Variants in WWOX observed in about 807,000 individuals in gnomAD.
WWOX encodes the protein WW domain-containing oxidoreductase.
A neutral mutation model predicts 46.2 loss-of-function variants in WWOX; 69 were observed. The observed-to-expected ratio is 1.49, with a 90% CI of 1.23 to 1.82. WWOX has a LOEUF of 1.82. Ranked by LOEUF, WWOX falls within the 40% of genes most tolerant of loss-of-function variation. The pLI, the probability that WWOX is intolerant of heterozygous loss-of-function variation, is 0.00. For missense variants in WWOX, 919 were observed against 542.6 expected, an observed-to-expected ratio of 1.69 and a Z score of -6.89; for synonymous variants, 359 against 202.6, an observed-to-expected ratio of 1.77 and a Z score of -6.56.
chr16:78,892,557 T>G (rs1482285833), intron 8 of WWOX, among the ~76,000 whole-genome samples: 1 of 152,234 alleles, frequency 6.6e-6, no homozygotes, highest in Non-Finnish European at 1.5e-5. Flanking sequence ...GTTCAGAGCG[T>G]TCTTCCTCCA....
intron 8 of WWOX, among the ~76,000 whole-genome samples, chr16:79,010,484 A>T (rs1422717586): frequency 6.6e-6 from 1 of 152,176 alleles, no homozygotes; most frequent in Non-Finnish European, 1.5e-5. Context: ...ATGGCGGGAC[A>T]GCTCCAGGCC....
At position 79,056,210 on chromosome 16, in the gene WWOX, T is replaced by C. The variant is rs1191982275; in HGVS notation, c.1057-155398T>C. 5.3e-5 allele frequency among the ~76,000 whole-genome samples: 5 copies of C among 93,808 alleles called. No individual in the cohort carries two copies. In the East Asian group the frequency reaches 1.1e-3, roughly 21 times the overall value. The allele number at this position is 93,808 out of a possible 152,430, so 61.5% of individuals were successfully genotyped here. A position where few individuals can be genotyped will look rare whatever the true frequency, so the allele number is the denominator to read the frequency against. ...TTAGTGCTAAGTAATAGGCTGTCACTAGACCAAAAAAAAAAAAAAAAAAAT... is the reference window on the plus strand; with the variant it reads ...TTAGTGCTAAGTAATAGGCTGTCACCAGACCAAAAAAAAAAAAAAAAAAAT... On this transcript the variant is annotated intron_variant, in intron 8 of 8. Transcript: ENST00000566780.
chr16:79,211,566 T>G (rs2150867067), intron 8 of WWOX, 42 bp from the exon 9 acceptor site: 1 of 1,613,520 alleles, frequency 6.2e-7, no homozygotes, highest in African/African-American at 1.3e-5. Flanking sequence ...TCATCACTCC[T>G]TTTCTTAAAA....
rs928256242 is a variant in WWOX at position 78,348,446 on chromosome 16, T to C, written c.517-38414T>C. Reference sequence around the variant, plus strand: ...ATAGAGCCAAAGAGCTCGATACATATACTGATGCGGTGTTTATTTTATTTT... The same window carrying C: ...ATAGAGCCAAAGAGCTCGATACATACACTGATGCGGTGTTTATTTTATTTT... On this transcript the variant is annotated intron_variant, in intron 5 of 8. Transcript: ENST00000566780. 4.1e-5 allele frequency among the ~76,000 whole-genome samples: 5 copies of C among 121,006 alleles called. 1 individual carries two copies. Among genetic ancestry groups the C allele is most frequent in the Admixed American group, 8.0e-5 (1 of 12,502 alleles). 79.4% of individuals were successfully genotyped at this position (121,006 alleles called of 152,430 possible).
chr16:78,612,793 C>T (rs2045931480), intron 8 of WWOX, among the ~76,000 whole-genome samples: 1 of 152,254 alleles, frequency 6.6e-6, no homozygotes, highest in Non-Finnish European at 1.5e-5. Context: ...AATTTTTTCA[C>T]CTACAAAATG....
At chr16:78,376,292 C>T (rs535958507) in intron 5 of WWOX, among the ~76,000 whole-genome samples, 5 of 152,214 alleles carry the variant, frequency 3.3e-5, no homozygotes, top group East Asian at 1.9e-4. Flanking sequence ...TATGTGGGGG[C>T]GGTTTTTAAT....
At chr16:78,840,046 G>A (rs1273513964) in intron 8 of WWOX, among the ~76,000 whole-genome samples, 1 of 152,124 alleles carries the variant, frequency 6.6e-6, no homozygotes, top group Non-Finnish European at 1.5e-5. Flanking sequence ...AAATTACTGG[G>A]TGTTTGAAAG....
intron 8 of WWOX, among the ~76,000 whole-genome samples, chr16:79,123,799 C>T (rs1035877104): frequency 1.3e-5 from 2 of 152,104 alleles, no homozygotes; most frequent in South Asian, 4.1e-4. Context: ...TCTTGAATCC[C>T]AGGACAATTC....
chr16:78,278,607 C>G (rs973932194), intron 5 of WWOX: 17 of 1,609,770 alleles, frequency 1.1e-5, no homozygotes, highest in Middle Eastern at 1.7e-4. Context: ...TTACAGAAAA[C>G]AAAATACCAC....
chr16:78,443,668 A>G (rs2083495574), intron 8 of WWOX, among the ~76,000 whole-genome samples: 1 of 152,310 alleles, frequency 6.6e-6, no homozygotes. Flanking sequence ...TATTTAATGA[A>G]CATTTAACCA....
chr16:78,516,457 C>G (rs1446212041), intron 8 of WWOX, among the ~76,000 whole-genome samples: 1 of 152,090 alleles, frequency 6.6e-6, no homozygotes, highest in Non-Finnish European at 1.5e-5. Flanking sequence ...ATTTTTAATT[C>G]CCATGCTCAG....
chr16:78,946,081 T>G (rs530448476), intron 8 of WWOX, among the ~76,000 whole-genome samples: 1 of 152,356 alleles, frequency 6.6e-6, no homozygotes, highest in East Asian at 1.9e-4. Context: ...TACTGGACTT[T>G]CTTAAATAAG....
At chr16:78,310,984 G>C (rs1226501314) in intron 5 of WWOX, among the ~76,000 whole-genome samples, 1 of 152,224 alleles carries the variant, frequency 6.6e-6, no homozygotes. Flanking sequence ...GCAAGAGCCA[G>C]CTGCCTGCGT....
At chr16:78,171,465 T>C (rs563752127) in intron 5 of WWOX, among the ~76,000 whole-genome samples, 1 of 152,142 alleles carries the variant, frequency 6.6e-6, no homozygotes, top group African/African-American at 2.4e-5. Flanking sequence ...TTTTATGATA[T>C]ATGTGTTGGG....
intron 5 of WWOX, among the ~76,000 whole-genome samples, chr16:78,336,325 A>G (rs1293296603): frequency 1.5e-5 from 1 of 65,280 alleles, no homozygotes; most frequent in Non-Finnish European, 3.5e-5. Flanking sequence ...ATACAAAAAT[A>G]ACACCAAAAA....
At chr16:78,295,502 A>G (rs2079930430) in intron 5 of WWOX, among the ~76,000 whole-genome samples, 1 of 152,198 alleles carries the variant, frequency 6.6e-6, no homozygotes, top group Admixed American at 6.5e-5. Flanking sequence ...ACCTGAAGTC[A>G]GGAGTTCAAG....
intron 6 of WWOX, among the ~76,000 whole-genome samples, chr16:78,424,574 G>A (rs8057749): frequency 6.6e-6 from 1 of 151,996 alleles, no homozygotes; most frequent in East Asian, 1.9e-4. Context: ...ACAACTCTTC[G>A]CAGATTGCCT....
chr16:78,849,336 C>G (rs988129637), intron 8 of WWOX, among the ~76,000 whole-genome samples: 1 of 151,672 alleles, frequency 6.6e-6, no homozygotes, highest in African/African-American at 2.4e-5. Context: ...TTTGGGAGGC[C>G]GAGGCGGGGG....
At chr16:78,315,868 G>A (rs2080347181) in intron 5 of WWOX, among the ~76,000 whole-genome samples, 1 of 151,994 alleles carries the variant, frequency 6.6e-6, no homozygotes, top group Non-Finnish European at 1.5e-5. Flanking sequence ...AAAATTCCCA[G>A]CCACAGTAGA....
Sources: allele counts gnomAD v4.1 joint callset (sites outside exome capture counted in the v4.1 genomes callset), GRCh38; gene constraint gnomAD v4.1.1; transcripts MANE v1.5; gene names NCBI Gene and HGNC (gene_info 2026-07-23, HGNC 2026-07-21).